Variants in ROBO2 observed in about 807,000 individuals in gnomAD.
ROBO2 encodes roundabout guidance receptor 2.
In ROBO2, 53 loss-of-function variants were observed where a neutral mutation model predicts 160.8. The ratio of observed to expected loss-of-function variants is 0.33; its 90% CI spans 0.26 to 0.41. The LOEUF is 0.41. Among genes scored for constraint, ROBO2 ranks in the 10% least tolerant of loss-of-function variants. The probability of loss-of-function intolerance (pLI) is 1.00; values close to 1 mark genes in which losing one functional copy is unlikely to be tolerated. For synonymous variants in ROBO2, 664 were observed against 611.7 expected (o/e 1.09, Z -1.26); for missense variants, 1,577 against 1,722.4 (o/e 0.92, Z 1.49).
At chr3:76,590,747 A>T (rs1431247277) in intron 2 of ROBO2, among the ~76,000 whole-genome samples, 1 of 152,120 alleles carries the variant, frequency 6.6e-6, no homozygotes, top group Non-Finnish European at 1.5e-5. Context: ...ACTACTTTAG[A>T]AGTTTTGTAT....
chr3:77,009,108 A>T (rs1027353065), intron 2 of ROBO2, among the ~76,000 whole-genome samples: 2 of 152,238 alleles, frequency 1.3e-5, no homozygotes, highest in African/African-American at 4.8e-5. Context: ...AAAAAGTAAG[A>T]TTAAATGAGA....
chr3:77,008,614 A>G (rs1041006136), intron 2 of ROBO2, among the ~76,000 whole-genome samples: 1 of 152,152 alleles, frequency 6.6e-6, no homozygotes, highest in Non-Finnish European at 1.5e-5. Context: ...TTTGGACTTT[A>G]CTTCATATCT....
intron 2 of ROBO2, among the ~76,000 whole-genome samples, chr3:76,218,534 G>A (rs1439991451): frequency 6.6e-6 from 1 of 152,166 alleles, no homozygotes; most frequent in Non-Finnish European, 1.5e-5. Context: ...CAAACAGAGA[G>A]CCAAATCCTG....
At chr3:77,311,289 G>A (rs969420573) in intron 2 of ROBO2, among the ~76,000 whole-genome samples, 1 of 152,084 alleles carries the variant, frequency 6.6e-6, no homozygotes, top group South Asian at 2.1e-4. Context: ...ACTATTGTAT[G>A]TGCACCGGAA....
intron 2 of ROBO2, among the ~76,000 whole-genome samples, chr3:77,323,842 T>G (rs763649606): frequency 4.6e-5 from 7 of 152,302 alleles, no homozygotes; most frequent in Admixed American, 6.5e-5. Context: ...TTGGCATTTT[T>G]GAGATTTGCC....
intron 2 of ROBO2, among the ~76,000 whole-genome samples, chr3:76,455,346 A>C (rs2077695483): frequency 6.6e-6 from 1 of 152,158 alleles, no homozygotes; most frequent in Non-Finnish European, 1.5e-5. Flanking sequence ...GAAATACTTC[A>C]TTCTCATTAT....
intron 2 of ROBO2, among the ~76,000 whole-genome samples, chr3:77,414,594 G>A (rs1173163337): frequency 6.6e-6 from 1 of 152,274 alleles, no homozygotes; most frequent in East Asian, 1.9e-4. Context: ...AAACAAGACG[G>A]GAGCTAGGCA....
At chr3:76,311,553 G>A (rs1363037043) in intron 2 of ROBO2, 1 of 152,180 alleles carries the variant, frequency 6.6e-6, no homozygotes, top group African/African-American at 2.4e-5. Context: ...GGGGGTCTGC[G>A]TTGCAGATAG....
intron 2 of ROBO2, among the ~76,000 whole-genome samples, chr3:76,151,336 G>T (rs996972897): frequency 2.0e-5 from 3 of 151,996 alleles, no homozygotes; most frequent in African/African-American, 7.3e-5. Context: ...CCTCTAAAAT[G>T]GGATACATAT....
chr3:76,389,386 C>G (rs531702851), intron 2 of ROBO2, among the ~76,000 whole-genome samples: 7 of 152,220 alleles, frequency 4.6e-5, no homozygotes, highest in Non-Finnish European at 8.8e-5. Context: ...ATATGGAACT[C>G]TAGGTTAGTG....
intron 2 of ROBO2, among the ~76,000 whole-genome samples, chr3:77,329,531 T>A (rs1287671730): frequency 2.6e-5 from 4 of 152,174 alleles, no homozygotes; most frequent in African/African-American, 9.7e-5. Flanking sequence ...ACCTGGCAGC[T>A]TTTTGTCAAT....
chr3:77,000,118 C>A (rs963643520), intron 2 of ROBO2, among the ~76,000 whole-genome samples: 33 of 152,120 alleles, frequency 2.2e-4, no homozygotes, highest in African/African-American at 6.7e-4. Flanking sequence ...GAAAAAAGAA[C>A]CAGGTCCTGA....
intron 2 of ROBO2, among the ~76,000 whole-genome samples, chr3:76,578,599 GGAGCCTC>G (rs1408670251): frequency 6.6e-6 from 1 of 151,970 alleles, no homozygotes; most frequent in Admixed American, 6.6e-5. Context: ...TGGCCTCCAC[GGAGCCTC>G]ATTATTGCCC....
chr3:76,432,121 C>A (rs1325765456), intron 2 of ROBO2, among the ~76,000 whole-genome samples: 1 of 152,072 alleles, frequency 6.6e-6, no homozygotes, highest in Admixed American at 6.6e-5. Context: ...ATGTTTACAA[C>A]TTTATAACAC....
intron 2 of ROBO2, among the ~76,000 whole-genome samples, chr3:77,221,250 T>G (rs1290519822): frequency 5.3e-5 from 8 of 152,314 alleles, no homozygotes; most frequent in Admixed American, 4.6e-4. Flanking sequence ...TGTGGTTCCG[T>G]AAGCTGACAT....
At chr3:76,584,286 C>A (rs1004247972) in intron 2 of ROBO2, among the ~76,000 whole-genome samples, 2 of 151,758 alleles carry the variant, frequency 1.3e-5, no homozygotes, top group Non-Finnish European at 2.9e-5. Context: ...TCCTACCAAT[C>A]CTGTTATGAG....
chr3:77,216,745 C>T (rs990714317), intron 2 of ROBO2, among the ~76,000 whole-genome samples: 2 of 152,114 alleles, frequency 1.3e-5, no homozygotes, highest in Non-Finnish European at 2.9e-5. Context: ...TTTTAAACAA[C>T]CTAATGCAAA....
intron 2 of ROBO2, among the ~76,000 whole-genome samples, chr3:76,736,396 T>G (rs1296018754): frequency 6.6e-6 from 1 of 152,168 alleles, no homozygotes; most frequent in East Asian, 1.9e-4. Flanking sequence ...TTGTGTGGTT[T>G]GGGGGCATTT....
intron 2 of ROBO2, among the ~76,000 whole-genome samples, chr3:77,189,200 G>A (rs551871130): frequency 1.3e-5 from 2 of 151,776 alleles, no homozygotes; most frequent in Non-Finnish European, 2.9e-5. Flanking sequence ...AACAAATTTT[G>A]TAAATGATTA....
Sources: allele counts gnomAD v4.1 joint callset (sites outside exome capture counted in the v4.1 genomes callset), GRCh38; gene constraint gnomAD v4.1.1; transcripts MANE v1.5; gene names NCBI Gene and HGNC (gene_info 2026-07-23, HGNC 2026-07-21).